Variants in RPE65 observed in about 807,000 individuals in gnomAD.
RPE65 encodes the protein retinoid isomerohydrolase RPE65, also known as retinoid isomerohydrolase.
Under a neutral mutation model 68.5 loss-of-function variants are expected in RPE65, and 58 were observed. The ratio of observed to expected loss-of-function variants is 0.85; its 90% CI spans 0.69 to 1.05. The LOEUF is 1.05. Ranked by LOEUF, RPE65 falls within the 50% of genes least tolerant of loss-of-function variation. The probability of loss-of-function intolerance (pLI) is 0.00; values close to 1 mark genes in which losing one functional copy is unlikely to be tolerated. For missense variants in RPE65, 643 were observed against 629.9 expected (o/e 1.02, Z -0.22); for synonymous variants, 220 against 222.2 (o/e 0.99, Z 0.09).
intron 6 of RPE65, among the ~76,000 whole-genome samples, chr1:68,439,996 A>G (rs191220864): frequency 2.0e-5 from 3 of 152,242 alleles, no homozygotes; most frequent in Admixed American, 2.0e-4. Context: ...AAGATGCCCA[A>G]AGGATATAGT....
intron 3 of RPE65, 63 bp downstream of exon 3, chr1:68,446,647 G>A (rs1645944863): frequency 4.4e-6 from 7 of 1,606,008 alleles, no homozygotes; most frequent in Non-Finnish European, 2.6e-6. Context: ...AAACTCACAT[G>A]GGAGGAGGAG....
intron 3 of RPE65, 23 bp downstream of exon 3, chr1:68,446,687 A>C (rs1645945024): frequency 6.2e-7 from 1 of 1,613,950 alleles, no homozygotes; most frequent in African/African-American, 1.3e-5. Context: ...GAGGAGGAGG[A>C]GTGGCATGGA....
intron 1 of RPE65, 70 bp downstream of exon 1, chr1:68,449,825 A>T (rs1645970264): frequency 1.3e-6 from 2 of 1,540,444 alleles, no homozygotes; most frequent in Non-Finnish European, 1.8e-6. Flanking sequence ...TCTCTTCAGG[A>T]GCCCTTGAAA....
rs771443885 is a variant in RPE65 at position 68,444,771 on chromosome 1, G to T, written c.353+5C>A. ...TTGAGTAACATTCAGTTTGGGTTCA[G>T]TAACCTGGAAAATATATTCTTGCAG... On this transcript the variant is annotated splice_donor_5th_base_variant and intron_variant, in intron 4 of 13. Transcript: ENST00000262340. The T allele has an allele frequency of 1.9e-6, 3 of 1,614,190 alleles. No homozygotes were observed. Among genetic ancestry groups the T allele is most frequent in the East Asian group, 4.5e-5 (2 of 44,872 alleles).
chr1:68,444,475 T>A (rs1645926729), intron 5 of RPE65, 56 bp downstream of exon 5: 1 of 1,601,766 alleles, frequency 6.2e-7, no homozygotes, highest in Admixed American at 1.7e-5. Context: ...TTATGTTGAA[T>A]TAATTTTAAG....
At chr1:68,448,430 C>G (rs942211754) in intron 2 of RPE65, among the ~76,000 whole-genome samples, 194 bp downstream of exon 2, 1 of 152,080 alleles carries the variant, frequency 6.6e-6, no homozygotes, top group Non-Finnish European at 1.5e-5. Context: ...AATTAGGTAG[C>G]GTTTTTCTGC....
At chr1:68,440,586 C>T (rs1645895003) in intron 6 of RPE65, among the ~76,000 whole-genome samples, 1 of 151,710 alleles carries the variant, frequency 6.6e-6, no homozygotes, top group African/African-American at 2.4e-5. Flanking sequence ...TGATCAAATC[C>T]ATATATATAT....
rs868473289 is a variant in RPE65 at position 68,429,864 on chromosome 1, A to C, written c.1514T>G (p.Leu505Arg). The C allele has an allele frequency of 1.2e-6, 2 of 1,613,890 alleles. No homozygotes were observed. Among genetic ancestry groups the C allele is most frequent in the Non-Finnish European group, 1.7e-6 (2 of 1,179,832 alleles). The change falls in exon 14 of 14, where the codon CTG (leucine) becomes CGG (arginine). Residue 505 changes from leucine (L) to arginine (R), a missense_variant. By Grantham distance (102) the Leu-to-Arg change is moderately radical (BLOSUM62 -2). Transcript: ENST00000262340. Reference sequence around the variant, plus strand: ...AACTTCACTTAAGTCCTTGGCATTCAGAATCAGGAGATAAGCAGGCTTTTG... The same window carrying C: ...AACTTCACTTAAGTCCTTGGCATTCCGAATCAGGAGATAAGCAGGCTTTTG... ...AGQKPAYLLI[L>R]NAKDLSEVAR...
chr1:68,443,119 A>G (rs1436997141), intron 5 of RPE65, among the ~76,000 whole-genome samples: 1 of 126,668 alleles, frequency 7.9e-6, no homozygotes, highest in East Asian at 3.3e-4. Context: ...AAAAACTTTC[A>G]GTAGCTTCCC....
At chr1:68,434,587 A>T (rs1291519284) in intron 10 of RPE65, among the ~76,000 whole-genome samples, 1 of 152,140 alleles carries the variant, frequency 6.6e-6, no homozygotes, top group East Asian at 1.9e-4. Context: ...GTGCACATGT[A>T]TGCATATTTA....
At chr1:68,447,994 A>C (rs1645955045) in intron 2 of RPE65, among the ~76,000 whole-genome samples, 1 of 152,246 alleles carries the variant, frequency 6.6e-6, no homozygotes, top group Non-Finnish European at 1.5e-5. Flanking sequence ...TCCTATAACT[A>C]ATAATGATAC....
chr1:68,430,149 G>A (rs1241975223), intron 13 of RPE65, among the ~76,000 whole-genome samples: 3 of 152,168 alleles, frequency 2.0e-5, no homozygotes, highest in African/African-American at 4.8e-5. Flanking sequence ...TAAGAAGGGA[G>A]AGTCTTGTCT....
chr1:68,443,626 A>G (rs1314106039), intron 5 of RPE65, among the ~76,000 whole-genome samples: 4 of 152,182 alleles, frequency 2.6e-5, no homozygotes, highest in Non-Finnish European at 5.9e-5. Flanking sequence ...CCCACCTTGC[A>G]TTGCCAACTA....
rs925278950 is a variant in RPE65 at position 68,444,554 on chromosome 1, C to G, written c.472G>C (p.Glu158Gln). The G allele has an allele frequency of 6.2e-7, 1 of 1,614,014 alleles. No homozygotes were observed. The highest frequency in any genetic ancestry group is 1.3e-5 in the African/African-American group (1 of 74,930). The change falls in exon 5 of 14, where the codon GAG becomes CAG. Residue 158 changes from glutamate (E) to glutamine (Q), a missense_variant. Coordinates refer to ENST00000262340, the MANE Select transcript of RPE65 (RefSeq NM_000329.3). ...ACCTGCTTAATTGTCTCCAAGGTCT[C>G]TGGATTAATCTTTGTAATAAAGTTG... The part of the protein sequence containing the change: ...ETNFITKINP[E>Q]TLETIKQVDL...
intron 7 of RPE65, 90 bp downstream of exon 7, chr1:68,439,471 A>G: frequency 6.4e-7 from 1 of 1,565,148 alleles, no homozygotes; most frequent in East Asian, 2.2e-5. Flanking sequence ...CTGCAAAAAA[A>G]TATTGTGATC....
intron 3 of RPE65, 112 bp from the exon 4 acceptor site, chr1:68,444,995 C>T (rs2100828749): frequency 1.1e-6 from 1 of 891,776 alleles, no homozygotes; most frequent in Non-Finnish European, 1.8e-6. Context: ...ATCATAAATG[C>T]ACAACATGAA....
intron 6 of RPE65, 98 bp downstream of exon 6, chr1:68,440,755 C>A: frequency 1.3e-6 from 2 of 1,500,370 alleles, no homozygotes; most frequent in East Asian, 4.5e-5. Flanking sequence ...TAACTATGCA[C>A]AAAATGCTAT....
intron 10 of RPE65, among the ~76,000 whole-genome samples, chr1:68,436,202 C>T (rs1464982063): frequency 6.6e-6 from 1 of 152,080 alleles, no homozygotes; most frequent in Non-Finnish European, 1.5e-5. Context: ...TTAACTGACT[C>T]ATCCATTTGG....
At chr1:68,449,355 T>G (rs1255521057) in intron 1 of RPE65, among the ~76,000 whole-genome samples, 2 of 152,216 alleles carry the variant, frequency 1.3e-5, no homozygotes, top group Admixed American at 6.5e-5. Flanking sequence ...GGTTCTATAT[T>G]TTTGTTTACT....
Sources: allele counts gnomAD v4.1 joint callset (sites outside exome capture counted in the v4.1 genomes callset), GRCh38; gene constraint gnomAD v4.1.1; transcripts MANE v1.5; gene names NCBI Gene and HGNC (gene_info 2026-07-23, HGNC 2026-07-21).